The following SGK3 variants were observed in gnomAD, a reference collection of about 807,000 sequenced individuals.
SGK3 encodes serine/threonine-protein kinase Sgk3.
In SGK3, 47 loss-of-function variants were observed where a neutral mutation model predicts 68.5. That is an observed-to-expected ratio of 0.69 (90% CI 0.54 to 0.87). The LOEUF (loss-of-function observed/expected upper bound fraction) is 0.87, where lower values mean the gene tolerates loss of function less well. Ranked by LOEUF, SGK3 falls within the 40% of genes least tolerant of loss-of-function variation. SGK3 has a pLI of 0.00. For synonymous variants in SGK3, 181 were observed against 189.1 expected (o/e 0.96, Z 0.35); for missense variants, 479 against 575.5 (o/e 0.83, Z 1.72).
chr8:66,835,737 T>C, intron 8 of SGK3, 26 bp from the exon 9 acceptor site: 2 of 1,597,348 alleles, frequency 1.3e-6, no homozygotes, highest in East Asian at 2.2e-5. Context: ...TTTCTAATAG[T>C]ATACACTAAT....
At chr8:66,797,291 T>C (rs949716910) in intron 2 of SGK3, among the ~76,000 whole-genome samples, 1 of 152,220 alleles carries the variant, frequency 6.6e-6, no homozygotes, top group Admixed American at 6.5e-5. Context: ...CTTCTAGGCT[T>C]GTCTGATCCC....
chr8:66,785,653 G>T (rs1210261604), intron 1 of SGK3, among the ~76,000 whole-genome samples: 2 of 152,150 alleles, frequency 1.3e-5, no homozygotes, highest in African/African-American at 4.8e-5. Flanking sequence ...GAGAACCACT[G>T]TATAATCTTT....
rs567230945 is a variant in SGK3, at chr8:66,751,075, G to A, written c.-122+38242G>A. On this transcript the variant is annotated intron_variant, in intron 1 of 16. Coordinates refer to ENST00000521198, the MANE Select transcript of SGK3 (RefSeq NM_001033578.3). Reference sequence around the variant, plus strand: ...AGCACTTTGGGAGGCTGAGGTGGGCGGATCACGAGGTCAGGAGATCGAGAC... The same window carrying A: ...AGCACTTTGGGAGGCTGAGGTGGGCAGATCACGAGGTCAGGAGATCGAGAC... Among the ~76,000 whole-genome samples, 10 of 151,994 alleles carry A rather than the reference G, an allele frequency of 6.6e-5. No individual in the cohort carries two copies. The South Asian group carries it at 8.3e-4, about 13-fold the overall frequency.
rs1016260541 is a variant in SGK3 at position 66,835,991 on chromosome 8, C to T, written c.658C>T (p.His220Tyr). 2 of 1,613,518 alleles carry T rather than the reference C, an allele frequency of 1.2e-6. No homozygotes were observed. The highest frequency in any genetic ancestry group is 8.5e-7 in the Non-Finnish European group (1 of 1,179,870). The part of the protein sequence containing the change: ...ERNVLLKNVK[H>Y]PFLVGLHYSF... The stretch of plus-strand genomic sequence containing the variant: ...TAATGTGCTCTTGAAAAATGTGAAA[C>T]ATCCGTTTTTGGTTGGATTGCATTA... The change falls in exon 10 of 17, where the codon CAT (histidine) becomes TAT (tyrosine). Residue 220 changes from histidine (H) to tyrosine (Y), a missense_variant. His to Tyr is a moderately conservative substitution (Grantham distance 83). This residue lies in a region of SGK3 where 298 missense variants were observed against 329.4 expected (regional missense o/e 0.90). Transcript: ENST00000521198.
At position 66,835,787 on chromosome 8, in the gene SGK3, G is replaced by A; in HGVS notation, c.550G>A (p.Asp184Asn). ...GGTTCTTCTTGCAAAACGGAAACTGGATGGAAAATTTTATGCTGTCAAAGT... is the reference window on the plus strand; with the variant it reads ...GGTTCTTCTTGCAAAACGGAAACTGAATGGAAAATTTTATGCTGTCAAAGT... The part of the protein sequence containing the change: ...GKVLLAKRKL[D>N]GKFYAVKVLQ... Residue 184 changes from aspartate (D) to asparagine (N), a missense_variant, in exon 9 of 17, where the codon GAT (aspartate) becomes AAT (asparagine). By Grantham distance (23) the Asp-to-Asn change is conservative. Coordinates refer to ENST00000521198, the MANE Select transcript of SGK3 (RefSeq NM_001033578.3). 6.2e-7 allele frequency: 1 copy of A among 1,612,190 alleles called. No homozygotes were observed. Among genetic ancestry groups the A allele is most frequent in the South Asian group, 1.1e-5 (1 of 90,304 alleles).
chr8:66,785,751 C>A (rs186325612), intron 1 of SGK3, among the ~76,000 whole-genome samples: 2 of 152,342 alleles, frequency 1.3e-5, no homozygotes, highest in Admixed American at 6.5e-5. Context: ...TGACCCATTT[C>A]TTTCTGTCTT....
chr8:66,787,469 C>T (rs7001886), intron 1 of SGK3, among the ~76,000 whole-genome samples: 1 of 152,170 alleles, frequency 6.6e-6, no homozygotes, highest in Non-Finnish European at 1.5e-5. Flanking sequence ...TCTAATCCCC[C>T]CTGTGGGATG....
intron 4 of SGK3, among the ~76,000 whole-genome samples, chr8:66,805,114 A>G (rs1292215416): frequency 1.3e-5 from 2 of 151,988 alleles, no homozygotes; most frequent in African/African-American, 4.8e-5. Flanking sequence ...TTAATTTGGG[A>G]AACTTTACAG....
At chr8:66,715,196 T>G (rs2130311636) in intron 1 of SGK3, among the ~76,000 whole-genome samples, 1 of 152,330 alleles carries the variant, frequency 6.6e-6, no homozygotes, top group African/African-American at 2.4e-5. Flanking sequence ...TCTCTAGTTT[T>G]GAGAGTTTAG....
In SGK3 at chr8:66,772,093, AT is replaced by A. The variant is rs748335053; in HGVS notation, c.-121-21504del. ...TCTTTTAGCCTTCTTAAGATACTGA[AT>A]TTTTTTTTTTTTTTTTTTGAGATGG... On this transcript the variant is annotated intron_variant, in intron 1 of 16. Coordinates refer to ENST00000521198, the MANE Select transcript of SGK3 (RefSeq NM_001033578.3). Among the ~76,000 whole-genome samples the A allele has an allele frequency of 4.4e-4, 43 of 97,504 alleles. 1 individual carries two copies. The highest frequency in any genetic ancestry group is 6.8e-4 in the African/African-American group (14 of 20,492). 64.0% of individuals were successfully genotyped at this position (97,504 alleles called of 152,430 possible).
intron 10 of SGK3, among the ~76,000 whole-genome samples, chr8:66,836,457 G>A (rs1809536476): frequency 6.6e-6 from 1 of 152,032 alleles, no homozygotes; most frequent in South Asian, 2.1e-4. Context: ...TTATTAATCA[G>A]ATGAGATAAT....
At chr8:66,760,413 C>G (rs1314741436) in intron 1 of SGK3, among the ~76,000 whole-genome samples, 3 of 147,410 alleles carry the variant, frequency 2.0e-5, no homozygotes, top group African/African-American at 7.5e-5. Flanking sequence ...TGGCTCACTG[C>G]AAGCTCTGCC....
chr8:66,779,586 ATATATATATATAT>A (rs1806881743), intron 1 of SGK3, among the ~76,000 whole-genome samples: 1 of 138,136 alleles, frequency 7.2e-6, no homozygotes, highest in African/African-American at 2.6e-5. Context: ...ATATATATAT[ATATATATATATAT>A]ATAAAACACA....
At position 66,791,991 on chromosome 8, in the gene SGK3, CA is replaced by C. The variant is rs1807476499; in HGVS notation, c.-121-1623del. On this transcript the variant is annotated intron_variant, in intron 1 of 16. Coordinates refer to ENST00000521198, the MANE Select transcript of SGK3 (RefSeq NM_001033578.3). ...GTTGTACTCTTTGTTGAGGAGAGAC[CA>C]ATTACATGTCTGTATGTTCTAACAA... Among the ~76,000 whole-genome samples the C allele has an allele frequency of 3.9e-5, 6 of 152,218 alleles. No individual in the cohort carries two copies. In the South Asian group the frequency reaches 1.2e-3, roughly 32 times the overall value.
chr8:66,795,987 G>C (rs1290259274), intron 2 of SGK3, among the ~76,000 whole-genome samples: 1 of 152,058 alleles, frequency 6.6e-6, no homozygotes, highest in South Asian at 2.1e-4. Flanking sequence ...ATAAGTATTT[G>C]TTGAATTGTT....
chr8:66,807,613 A>G (rs1056656100), intron 4 of SGK3, among the ~76,000 whole-genome samples: 1 of 152,240 alleles, frequency 6.6e-6, no homozygotes, highest in Admixed American at 6.5e-5. Context: ...CAAATTCAGA[A>G]AAACAGAGAT....
chr8:66,741,061 T>G (rs1805465254), intron 1 of SGK3, among the ~76,000 whole-genome samples: 2 of 152,116 alleles, frequency 1.3e-5, no homozygotes, highest in Non-Finnish European at 2.9e-5. Context: ...TCTTTATTAG[T>G]TCAAGTCTAA....
intron 6 of SGK3, among the ~76,000 whole-genome samples, chr8:66,827,215 C>T (rs1267385387): frequency 6.6e-6 from 1 of 151,106 alleles, no homozygotes; most frequent in South Asian, 2.1e-4. Flanking sequence ...AACCCTATAT[C>T]TACTAAAAAT....
intron 3 of SGK3, 21 bp downstream of exon 3, chr8:66,798,646 T>C: frequency 6.4e-7 from 1 of 1,567,614 alleles, no homozygotes; most frequent in South Asian, 1.2e-5. Flanking sequence ...GTCTACAAGA[T>C]TTCTAATTAA....
Sources: gnomAD v4.1 joint callset for allele counts (sites outside exome capture counted in the v4.1 genomes callset) on GRCh38, gnomAD v4.1.1 for gene constraint, gnomAD v4.1.1 regional missense constraint, MANE v1.5 for transcripts, NCBI Gene and HGNC (gene_info 2026-07-23, HGNC 2026-07-21) for gene names.